The following ANK1 variants were observed in gnomAD, a reference collection of about 807,000 sequenced individuals.
ANK1 encodes ankyrin 1, also known as ankyrin-1.
Under a neutral mutation model 210.4 loss-of-function variants are expected in ANK1, and 51 were observed. The observed-to-expected ratio is 0.24, with a 90% CI of 0.19 to 0.31. The LOEUF (loss-of-function observed/expected upper bound fraction) is 0.31. ANK1 is among the 10% of genes least tolerant of loss of function. The probability of loss-of-function intolerance (pLI) is 1.00; values close to 1 mark genes in which losing one functional copy is unlikely to be tolerated. For synonymous variants in ANK1, 967 were observed against 1,025.9 expected (o/e 0.94, Z 1.10); for missense variants, 2,051 against 2,504.4 (o/e 0.82, Z 3.86).
chr8:41,673,878 T>C (rs1354296419), intron 37 of ANK1, among the ~76,000 whole-genome samples: 4 of 152,174 alleles, frequency 2.6e-5, no homozygotes, highest in African/African-American at 9.7e-5. Flanking sequence ...AAGTACGTGC[T>C]TACAGCAGCT....
chr8:41,714,343 T>C (rs749440011), intron 15 of ANK1, 89 bp from the exon 16 acceptor site: 39 of 986,412 alleles, frequency 4.0e-5, no homozygotes, highest in Non-Finnish European at 4.9e-5. Context: ...ACCTATTTTA[T>C]ACAGTAAAAT....
chr8:41,686,720 A>G (rs1817771602), intron 35 of ANK1, among the ~76,000 whole-genome samples: 1 of 152,150 alleles, frequency 6.6e-6, no homozygotes, highest in South Asian at 2.1e-4. Flanking sequence ...ACTGCCAAGA[A>G]CCAATGAGAA....
intron 1 of ANK1, among the ~76,000 whole-genome samples, chr8:41,877,527 C>T (rs1284411693): frequency 6.6e-6 from 1 of 152,260 alleles, no homozygotes; most frequent in East Asian, 1.9e-4. Flanking sequence ...GGAGAACCAA[C>T]TGTGTGCCAA....
chr8:41,688,554 C>A lies in ANK1; in HGVS notation c.4140G>T (p.Thr1380=). The A allele has an allele frequency of 6.2e-7, 1 of 1,614,146 alleles. No homozygotes were observed. Among genetic ancestry groups the A allele is most frequent in the African/African-American group, 1.3e-5 (1 of 75,026 alleles). ...GAATGCTGTATCGCAGGGCCAGGGG[C>A]GTCGGGGTCCTTCTCCTATCTTCGG... is the stretch of plus-strand genomic sequence containing the variant. ...SGAEDRRRTP[T]PLALRYSILS... The change falls in exon 34 of 43, where the codon ACG becomes ACT. Residue 1380 remains threonine (T), a synonymous_variant. Transcript: ENST00000289734.
chr8:41,683,878 C>T (rs1033908650), intron 37 of ANK1, among the ~76,000 whole-genome samples: 1 of 152,158 alleles, frequency 6.6e-6, no homozygotes, highest in African/African-American at 2.4e-5. Context: ...GCCTCCTGTA[C>T]ATCCTCTCCT....
chr8:41,857,350 C>G (rs1274315040), intron 1 of ANK1, among the ~76,000 whole-genome samples: 2 of 151,710 alleles, frequency 1.3e-5, no homozygotes, highest in Non-Finnish European at 2.9e-5. Context: ...ATAATCCCAG[C>G]ACTTTGGGAG....
chr8:41,786,240 A>G (rs972701783), intron 1 of ANK1, among the ~76,000 whole-genome samples: 3 of 152,176 alleles, frequency 2.0e-5, no homozygotes. Flanking sequence ...AATTAGGAAC[A>G]TCTCAGAGGG....
At chr8:41,877,744 C>A (rs749989806) in intron 1 of ANK1, among the ~76,000 whole-genome samples, 1 of 152,220 alleles carries the variant, frequency 6.6e-6, no homozygotes, top group Non-Finnish European at 1.5e-5. Context: ...CGCTGGAGAG[C>A]AGTCGTCTGG....
intron 2 of ANK1, among the ~76,000 whole-genome samples, chr8:41,753,060 CT>C (rs761060485): frequency 0.29 from 30,920 of 106,332 alleles, 3,294 homozygotes; most frequent in Middle Eastern, 0.39. Flanking sequence ...GCCGCAGGCT[CT>C]TTTTTTTTTT....
At chr8:41,686,034 G>A (rs1420111778) in intron 36 of ANK1, 118 bp downstream of exon 36, 8 of 1,500,702 alleles carry the variant, frequency 5.3e-6, no homozygotes, top group Non-Finnish European at 7.4e-6. Flanking sequence ...GAGTGTGTGT[G>A]AGAGAGACAG....
At chr8:41,710,512 C>T (rs527905228) in intron 16 of ANK1, among the ~76,000 whole-genome samples, 3 of 152,288 alleles carry the variant, frequency 2.0e-5, no homozygotes, top group African/African-American at 7.2e-5. Flanking sequence ...AGGGAGGGCC[C>T]GAGATTGTGC....
chr8:41,708,653 G>C, intron 17 of ANK1, 125 bp downstream of exon 17: 1 of 1,048,506 alleles, frequency 9.5e-7, no homozygotes, highest in Non-Finnish European at 1.5e-6. Flanking sequence ...TGTACGCAGG[G>C]CTGTTCCAAG....
At position 41,874,275 on chromosome 8, in the gene ANK1, G is replaced by A. The variant is rs117809284; in HGVS notation, c.126+22080C>T. On this transcript the variant is annotated intron_variant, in intron 1 of 42. Coordinates refer to the ANK1 transcript ENST00000265709. ...AACAAAAATAGAGCCTCCTATAGCC[G>A]CCTTCAGAGCAAGGCCCACAGCCAC... Among the ~76,000 whole-genome samples, 110 of 152,320 alleles carry A rather than the reference G, an allele frequency of 7.2e-4. 3 individuals are homozygous for A. In the East Asian group the frequency reaches 0.018, roughly 25 times the overall value.
At chr8:41,853,418 G>A (rs112295756) in intron 1 of ANK1, among the ~76,000 whole-genome samples, 2 of 152,212 alleles carry the variant, frequency 1.3e-5, no homozygotes, top group Non-Finnish European at 1.5e-5. Flanking sequence ...GCTCTGACAA[G>A]ATCAATGAAA....
intron 1 of ANK1, among the ~76,000 whole-genome samples, chr8:41,764,222 C>G (rs1053611951): frequency 6.6e-6 from 1 of 152,050 alleles, no homozygotes; most frequent in Non-Finnish European, 1.5e-5. Flanking sequence ...CTCCTAGGGG[C>G]CAGGCAATAT....
intron 1 of ANK1, among the ~76,000 whole-genome samples, chr8:41,787,714 C>T (rs972753100): frequency 6.6e-6 from 1 of 152,140 alleles, no homozygotes; most frequent in Non-Finnish European, 1.5e-5. Context: ...GTAGTCCCAG[C>T]TGAGGTAGGA....
At chr8:41,772,210 G>GGACA (rs1445123676) in intron 1 of ANK1, among the ~76,000 whole-genome samples, 13 of 152,170 alleles carry the variant, frequency 8.5e-5, no homozygotes, top group African/African-American at 3.1e-4. Flanking sequence ...TTTGCTTTCT[G>GGACA]GACAGCCTCT....
At chr8:41,723,048 A>C in intron 9 of ANK1, 77 bp downstream of exon 9, 1 of 1,325,342 alleles carries the variant, frequency 7.5e-7, no homozygotes. Flanking sequence ...TGTTTTACAG[A>C]AATAGGATTT....
chr8:41,704,340 C>A lies in ANK1; in HGVS notation c.2196+34G>T. ...ACCCTGATGTGGCATGGAGAAGGGT[C>A]AGTGCAGGAGTCGGGGCTGGGGCAC... On this transcript the variant is annotated intron_variant, in intron 19 of 42. Coordinates refer to ENST00000289734, the MANE Select transcript of ANK1 (RefSeq NM_000037.4). The surrounding 1 kb of genome is among the most constrained non-coding windows in gnomAD (Gnocchi z 4.1). 1 of 1,584,790 alleles carries A rather than the reference C, an allele frequency of 6.3e-7. No individual in the cohort carries two copies. The highest frequency in any genetic ancestry group is 1.3e-5 in the African/African-American group (1 of 74,356).
Sources: gnomAD v4.1 joint callset for allele counts (sites outside exome capture counted in the v4.1 genomes callset) on GRCh38, gnomAD v4.1.1 for gene constraint, Gnocchi (gnomAD v3.1) non-coding constraint, MANE v1.5 for transcripts, NCBI Gene and HGNC (gene_info 2026-07-23, HGNC 2026-07-21) for gene names.